LAIR1: variants seen among roughly 807,000 people sequenced by gnomAD.
LAIR1 encodes leukocyte-associated immunoglobulin-like receptor 1.
A neutral mutation model predicts 32.8 loss-of-function variants in LAIR1; 24 were observed. The observed-to-expected ratio is 0.73, with a 90% CI of 0.53 to 1.03. The LOEUF is 1.03. Ranked by LOEUF, LAIR1 falls within the 50% of genes least tolerant of loss-of-function variation. The pLI is 0.00. For synonymous variants in LAIR1, 150 were observed against 140.5 expected (o/e 1.07, Z -0.48); for missense variants, 355 against 347.5 (o/e 1.02, Z -0.17).
chr19:54,364,774 G>T lies in LAIR1; in HGVS notation c.31C>A (p.Leu11Ile). 6.2e-7 allele frequency: 1 copy of T among 1,613,660 alleles called. No homozygotes were observed. Among genetic ancestry groups the T allele is most frequent in the East Asian group, 2.2e-5 (1 of 44,880 alleles). MSPHPTALLG[L>I]VLCLAQTIHT... ...CCCGGCTGCCTCCAGGACTCACCTA[G>T]GCCCAGGAGGGCGGTGGGGTGGGGA... is the stretch of plus-strand genomic sequence containing the variant. Residue 11 changes from leucine to isoleucine, a missense_variant, in exon 1 of 10, where the codon CTA (leucine) becomes ATA (isoleucine). Transcript: ENST00000391742. This position sits in a 1 kb window ranked among gnomAD's most constrained non-coding sequence, Gnocchi z 4.8.
chr19:54,362,673 CG>C (rs1287330619), intron 2 of LAIR1, among the ~76,000 whole-genome samples: 1 of 152,186 alleles, frequency 6.6e-6, no homozygotes. Context: ...TTAGTAGAGA[CG>C]GGGTTTCCCC....
upstream of LAIR1, among the ~76,000 whole-genome samples, chr19:54,375,484 G>A (rs371029198): frequency 1.3e-5 from 2 of 152,218 alleles, no homozygotes; most frequent in African/African-American, 4.8e-5. Flanking sequence ...CTGGGGTAAA[G>A]GAGAGAACTG....
At chr19:54,367,790 G>C, upstream of LAIR1, among the ~76,000 whole-genome samples, 1 of 133,248 alleles carries the variant, frequency 7.5e-6, no homozygotes, top group South Asian at 2.3e-4. Context: ...TTTTGAGACA[G>C]AGTCTCGCTC....
In LAIR1 at chr19:54,356,537, G is replaced by T; in HGVS notation, c.537C>A (p.Leu179=). 2 of 1,614,054 alleles carry T rather than the reference G, an allele frequency of 1.2e-6. No individual in the cohort carries two copies. Among genetic ancestry groups the T allele is most frequent in the Non-Finnish European group, 1.7e-6 (2 of 1,180,010 alleles). Residue 179 remains leucine (L), a synonymous_variant, in exon 6 of 10, where the codon CTC becomes CTA. Coordinates refer to ENST00000391742, the MANE Select transcript of LAIR1 (RefSeq NM_002287.6). ...GVSVVFLFCL[L]LLVLFCLHRQ... ...GATGGAGGCAGAAGAGGACCAGGAG[G>T]AGGAGACAGAAGAGGAAGACCACTG...
Position 54,356,933 on chromosome 19 carries a change from T to C in LAIR1, c.449A>G (p.Asn150Ser), listed in dbSNP as rs766450392. Residue 150 changes from asparagine (N) to serine (S), a missense_variant, in exon 5 of 10, where the codon AAT (asparagine) becomes AGT (serine). By Grantham distance (46) the Asn-to-Ser change is conservative (BLOSUM62 1). Coordinates refer to ENST00000391742, the MANE Select transcript of LAIR1 (RefSeq NM_002287.6). Reference sequence around the variant, plus strand: ...CCACGGCCCCCATCACTCACGCTCATTGTGACTGTTGTCCGACGGCCTCTG... The same window carrying C: ...CCACGGCCCCCATCACTCACGCTCACTGTGACTGTTGTCCGACGGCCTCTG... Reference protein sequence around the residue: ...PTQRPSDNSHNEHAPASQGLK... With the variant: ...PTQRPSDNSHSEHAPASQGLK... The C allele has an allele frequency of 1.2e-6, 2 of 1,613,954 alleles. No individual in the cohort carries two copies. Among genetic ancestry groups the C allele is most frequent in the Admixed American group, 3.3e-5 (2 of 59,984 alleles).
chr19:54,356,269 T>C lies in LAIR1; in HGVS notation c.627-2A>G. On this transcript the variant is annotated splice_acceptor_variant, in intron 7 of 9. Coordinates refer to ENST00000391742, the MANE Select transcript of LAIR1 (RefSeq NM_002287.6). LOFTEE classifies it high-confidence loss of function. ...AGAACATCAACAGCCAGGTCAGGCCTAAGAGGAAAAATAAAAGTGAACCTC... is the reference window on the plus strand; with the variant it reads ...AGAACATCAACAGCCAGGTCAGGCCCAAGAGGAAAAATAAAAGTGAACCTC... The C allele has an allele frequency of 6.2e-7, 1 of 1,612,806 alleles. No individual in the cohort carries two copies. The highest frequency in any genetic ancestry group is 8.5e-7 in the Non-Finnish European group (1 of 1,179,730).
upstream of LAIR1, among the ~76,000 whole-genome samples, chr19:54,369,446 A>G (rs1428405365): frequency 2.6e-5 from 4 of 151,420 alleles, no homozygotes; most frequent in African/African-American, 7.4e-5. Flanking sequence ...CACAGAACAC[A>G]TGGGCAGTTA....
intron 4 of LAIR1, 196 bp from the exon 5 acceptor site, chr19:54,357,162 C>T (rs2081760956): frequency 1.7e-6 from 1 of 584,052 alleles, no homozygotes; most frequent in Admixed American, 3.1e-5. Context: ...GCATGAGAGT[C>T]ACACATAGCT....
chr19:54,374,651 A>G (rs534028431), upstream of LAIR1, among the ~76,000 whole-genome samples: 19 of 152,122 alleles, frequency 1.2e-4, no homozygotes, highest in South Asian at 3.3e-3. Context: ...TAACTTCAAG[A>G]TCATCTTCTC....
upstream of LAIR1, among the ~76,000 whole-genome samples, chr19:54,371,746 T>G (rs1009820107): frequency 3.3e-5 from 5 of 151,662 alleles, no homozygotes; most frequent in Non-Finnish European, 7.3e-5. Context: ...ATATTTAGCT[T>G]CTTCTGTTGC....
At position 54,355,251 on chromosome 19, in the gene LAIR1, G is replaced by A. The variant is rs2081639498; in HGVS notation, c.*17C>T. On this transcript the variant is annotated 3_prime_UTR_variant, in exon 10 of 10. Coordinates refer to ENST00000391742, the MANE Select transcript of LAIR1 (RefSeq NM_002287.6). This position sits in a 1 kb window ranked among gnomAD's most constrained non-coding sequence, Gnocchi z 4.7. ...TGACTTTCTACCCTCAGGTGCAGAG[G>A]CCAGGTGGGTATGGGGTCAGTGTCT... 6.3e-7 allele frequency: 1 copy of A among 1,582,986 alleles called. No homozygotes were observed. Among genetic ancestry groups the A allele is most frequent in the Non-Finnish European group, 8.6e-7 (1 of 1,163,616 alleles).
exon 1 of LAIR1, chr19:54,370,385 T>C (rs2082375278): frequency 1.7e-5 from 14 of 841,966 alleles, no homozygotes; most frequent in East Asian, 3.0e-5. Flanking sequence ...CTTGGCAGCC[T>C]GGCCTGGGCT....
rs752969996 is a variant in LAIR1, at chr19:54,356,616, G to T, written c.458C>A (p.Ala153Glu). ...AGCTTTCAGGCCTTGGGAAGCAGGT[G>T]CATCTAAGAAAGACAGAAACAGGAT... Reference protein sequence around the residue: ...RPSDNSHNEHAPASQGLKAEH... With the variant: ...RPSDNSHNEHEPASQGLKAEH... The change falls in exon 6 of 10, where the codon GCA (alanine) becomes GAA (glutamate). Residue 153 changes from alanine to glutamate, a missense_variant. Physicochemically the swap from Ala to Glu is moderately radical, Grantham distance 107 (BLOSUM62 -1). Transcript: ENST00000391742. The T allele has an allele frequency of 6.8e-6, 11 of 1,613,564 alleles. No homozygotes were observed. Among genetic ancestry groups the T allele is most frequent in the Admixed American group, 1.7e-5 (1 of 59,998 alleles).
In LAIR1 at chr19:54,364,221, A is replaced by G; in HGVS notation, c.70+74T>C. 4.7e-6 allele frequency: 7 copies of G among 1,499,632 alleles called. No homozygotes were observed. Among genetic ancestry groups the G allele is most frequent in the Non-Finnish European group, 6.5e-6 (7 of 1,079,774 alleles). 92.9% of individuals were successfully genotyped at this position (1,499,632 alleles called of 1,614,324 possible). On this transcript the variant is annotated intron_variant, in intron 2 of 9. Transcript: ENST00000391742. This position sits in a 1 kb window ranked among gnomAD's most constrained non-coding sequence, Gnocchi z 4.8. ...GATCTCTCCAGGCCCTCTAAGAATC[A>G]ACATCACTCCCACCCAGCACTGCCC...
chr19:54,367,798 C>G (rs2082300957), upstream of LAIR1, among the ~76,000 whole-genome samples: 1 of 143,756 alleles, frequency 7.0e-6, no homozygotes, highest in Non-Finnish European at 1.5e-5. Context: ...CAGAGTCTCG[C>G]TCTGTCGCCC....
At chr19:54,368,608 C>T (rs2082325314), upstream of LAIR1, 1 of 152,222 alleles carries the variant, frequency 6.6e-6, no homozygotes, top group African/African-American at 2.4e-5. Flanking sequence ...AGATTTTCTT[C>T]ACTGCTCAGA....
Position 54,356,531 on chromosome 19 carries a change from C to T in LAIR1, c.543G>A (p.Leu181=). ...SVVFLFCLLL[L]VLFCLHRQNQ... is the part of the protein sequence containing the mutation. ...TCTGGCGATGGAGGCAGAAGAGGAC[C>T]AGGAGGAGGAGACAGAAGAGGAAGA... Residue 181 remains leucine, a synonymous_variant, in exon 6 of 10, where the codon CTG becomes CTA. Coordinates refer to ENST00000391742, the MANE Select transcript of LAIR1 (RefSeq NM_002287.6). 1.2e-6 allele frequency: 2 copies of T among 1,613,860 alleles called. No individual in the cohort carries two copies. Among genetic ancestry groups the T allele is most frequent in the Non-Finnish European group, 1.7e-6 (2 of 1,179,970 alleles).
intron 7 of LAIR1, 43 bp downstream of exon 7, chr19:54,356,313 G>A (rs771816774): frequency 2.2e-5 from 36 of 1,606,170 alleles, no homozygotes; most frequent in South Asian, 2.0e-4. Context: ...CCTGGCGGCC[G>A]AGGACTGGGT....
intron 4 of LAIR1, chr19:54,358,402 A>G (rs889418842): frequency 4.6e-6 from 1 of 215,952 alleles, no homozygotes; most frequent in Non-Finnish European, 8.1e-6. Context: ...TATATAATAT[A>G]TATATATATT....
Sources: gnomAD v4.1 joint callset for allele counts (sites outside exome capture counted in the v4.1 genomes callset) on GRCh38, gnomAD v4.1.1 for gene constraint, Gnocchi (gnomAD v3.1) non-coding constraint, MANE v1.5 for transcripts, NCBI Gene and HGNC (gene_info 2026-07-23, HGNC 2026-07-21) for gene names.